The following TARBP1 variants were observed in gnomAD, a reference collection of about 807,000 sequenced individuals.
TARBP1 encodes tRNA (guanosine(18)-2'-O)-methyltransferase TARBP1.
A neutral mutation model predicts 178.6 loss-of-function variants in TARBP1; 144 were observed. The ratio of observed to expected loss-of-function variants is 0.81; its 90% CI spans 0.70 to 0.93. TARBP1 has a LOEUF of 0.93. Among genes scored for constraint, TARBP1 ranks in the 40% least tolerant of loss-of-function variants. The pLI is 0.00. For synonymous variants in TARBP1, 787 were observed against 781.0 expected (o/e 1.01, Z -0.13); for missense variants, 2,067 against 2,011.7 (o/e 1.03, Z -0.53).
chr1:234,409,231 T>TA (rs1000709539), intron 23 of TARBP1, among the ~76,000 whole-genome samples: 8 of 151,644 alleles, frequency 5.3e-5, no homozygotes, highest in Non-Finnish European at 1.0e-4. Context: ...GTTTCGAAAA[T>TA]AAAAAATAAA....
Position 234,425,787 on chromosome 1 carries a change from CTTAGT to C in TARBP1, c.3325_3329del (p.Thr1109GlufsTer29). 1 of 1,560,096 alleles carries C rather than the reference CTTAGT, an allele frequency of 6.4e-7. No homozygotes were observed. Among genetic ancestry groups the C allele is most frequent in the East Asian group, 2.3e-5 (1 of 44,442 alleles). ...AAATTCTCACATAATGGTCTTCTCTCTTAGTACTAAAAAAATTAAATGATAAATTA... is the reference window on the plus strand; with the variant it reads ...AAATTCTCACATAATGGTCTTCTCTCACTAAAAAAATTAAATGATAAATTA... On this transcript the variant is annotated frameshift_variant and splice_region_variant, in exon 20 of 30. Coordinates refer to ENST00000040877, the MANE Select transcript of TARBP1 (RefSeq NM_005646.4). LOFTEE classifies it high-confidence loss of function.
In TARBP1 at chr1:234,433,550, G is replaced by A; in HGVS notation, c.2254C>T (p.His752Tyr). Reference protein sequence around the residue: ...LNSVSDLDRCHLYLMVLTELI... With the variant: ...LNSVSDLDRCYLYLMVLTELI... ...TCAGTTAACACCATCAGGTATAAAT[G>A]GCAACGATCCAGATCTGAAACCTAA... The change falls in exon 14 of 30, where the codon CAT becomes TAT. Residue 752 changes from histidine (H) to tyrosine (Y), a missense_variant. Transcript: ENST00000040877. 6.2e-7 allele frequency: 1 copy of A among 1,612,788 alleles called. No homozygotes were observed. Among genetic ancestry groups the A allele is most frequent in the African/African-American group, 1.3e-5 (1 of 74,908 alleles).
chr1:234,417,070 C>G (rs2103084320), intron 22 of TARBP1, among the ~76,000 whole-genome samples: 2 of 152,280 alleles, frequency 1.3e-5, no homozygotes, highest in Middle Eastern at 6.8e-3. Flanking sequence ...GTGGAGAAAG[C>G]CACTACCAAT....
intron 9 of TARBP1, among the ~76,000 whole-genome samples, chr1:234,457,262 C>T (rs1490435692): frequency 1.3e-5 from 2 of 152,134 alleles, no homozygotes; most frequent in Non-Finnish European, 2.9e-5. Context: ...TCAGGACAAA[C>T]TCAGAATTAC....
chr1:234,451,505 T>G (rs1666751704), intron 9 of TARBP1, among the ~76,000 whole-genome samples: 1 of 34,380 alleles, frequency 2.9e-5, no homozygotes, highest in African/African-American at 3.0e-4. Context: ...CCCAGCACTT[T>G]GGGAGGCCGA....
At chr1:234,406,638 A>C (rs1661274585) in intron 23 of TARBP1, 1 of 152,316 alleles carries the variant, frequency 6.6e-6, no homozygotes, top group South Asian at 2.1e-4. Flanking sequence ...CAGGAAAATT[A>C]AGAAATGAGG....
In TARBP1 at chr1:234,430,305, A is replaced by G; in HGVS notation, c.2395-4T>C. 1 of 1,612,446 alleles carries G rather than the reference A, an allele frequency of 6.2e-7. No homozygotes were observed. Among genetic ancestry groups the G allele is most frequent in the Non-Finnish European group, 8.5e-7 (1 of 1,179,510 alleles). On this transcript the variant is annotated splice_polypyrimidine_tract_variant and splice_region_variant and intron_variant, in intron 14 of 29. Coordinates refer to ENST00000040877, the MANE Select transcript of TARBP1 (RefSeq NM_005646.4). ...TCTGACTTCCAACTGTTGGCTCCTG[A>G]AAAGGAAATGTGACAATGTTTTATT...
In TARBP1 at chr1:234,463,826, C is replaced by T. The variant is rs1231596851; in HGVS notation, c.1399+11G>A. On this transcript the variant is annotated intron_variant, in intron 6 of 29. Coordinates refer to ENST00000040877, the MANE Select transcript of TARBP1 (RefSeq NM_005646.4). ...AAAGCATTTTTAAAAAAACCCTTTACTGACACATACTCTTTATTTCTTCTG... is the reference window on the plus strand; with the variant it reads ...AAAGCATTTTTAAAAAAACCCTTTATTGACACATACTCTTTATTTCTTCTG... 8.2e-6 allele frequency: 12 copies of T among 1,469,678 alleles called. No individual in the cohort carries two copies. The highest frequency in any genetic ancestry group is 1.1e-5 in the Non-Finnish European group (12 of 1,101,934). 91.0% of individuals were successfully genotyped at this position (1,469,678 alleles called of 1,614,324 possible).
chr1:234,458,505 AAT>A (rs1299644833), intron 8 of TARBP1, among the ~76,000 whole-genome samples: 3 of 152,290 alleles, frequency 2.0e-5, no homozygotes, highest in African/African-American at 7.2e-5. Context: ...CTGTTTTGTA[AAT>A]AGTTTTTTTG....
At chr1:234,449,408 A>G (rs1390239380) in intron 10 of TARBP1, among the ~76,000 whole-genome samples, 1 of 152,244 alleles carries the variant, frequency 6.6e-6, no homozygotes, top group Non-Finnish European at 1.5e-5. Flanking sequence ...CGTAAGAGGC[A>G]ATTCTAGTAT....
At chr1:234,410,410 T>C in intron 23 of TARBP1, 35 bp downstream of exon 23, 1 of 1,252,894 alleles carries the variant, frequency 8.0e-7, no homozygotes, top group East Asian at 2.4e-5. Flanking sequence ...ATTCTTTTTT[T>C]ACAGTCAAGT....
chr1:234,462,034 A>C (rs1272438690), intron 6 of TARBP1, among the ~76,000 whole-genome samples: 1 of 152,236 alleles, frequency 6.6e-6, no homozygotes, highest in East Asian at 1.9e-4. Context: ...AAATGACTAA[A>C]TAACTGTGAA....
chr1:234,393,549 C>A, intron 27 of TARBP1, 63 bp from the exon 28 acceptor site: 3 of 1,572,836 alleles, frequency 1.9e-6, no homozygotes, highest in Admixed American at 1.8e-5. Flanking sequence ...CATCATGTCG[C>A]ATACATTCCT....
chr1:234,429,895 G>C (rs938078531), intron 15 of TARBP1, among the ~76,000 whole-genome samples, 192 bp downstream of exon 15: 1 of 152,076 alleles, frequency 6.6e-6, no homozygotes, highest in Non-Finnish European at 1.5e-5. Context: ...CATCTGAAAT[G>C]ATTCAGTGAA....
chr1:234,439,750 C>T (rs560152546), intron 12 of TARBP1, among the ~76,000 whole-genome samples: 12 of 152,188 alleles, frequency 7.9e-5, no homozygotes, highest in East Asian at 7.7e-4. Context: ...CGCTTGAACC[C>T]GGGAGGCAGA....
At chr1:234,419,230 C>A (rs778933242) in intron 21 of TARBP1, among the ~76,000 whole-genome samples, 1 of 151,894 alleles carries the variant, frequency 6.6e-6, no homozygotes, top group African/African-American at 2.4e-5. Flanking sequence ...GTATTATGTA[C>A]GTCTTTATTT....
At chr1:234,450,347 A>G in intron 10 of TARBP1, 81 bp downstream of exon 10, 1 of 1,134,050 alleles carries the variant, frequency 8.8e-7, no homozygotes, top group Non-Finnish European at 1.2e-6. Context: ...GTAAAGCCTA[A>G]CTCTCAGTCT....
intron 20 of TARBP1, among the ~76,000 whole-genome samples, chr1:234,421,257 T>C (rs1452360609): frequency 6.6e-6 from 1 of 152,134 alleles, no homozygotes; most frequent in African/African-American, 2.4e-5. Flanking sequence ...CCCAGCTAAC[T>C]TCTGTATTTT....
intron 12 of TARBP1, among the ~76,000 whole-genome samples, chr1:234,438,465 A>T (rs1364449074): frequency 6.6e-6 from 1 of 152,228 alleles, no homozygotes; most frequent in African/African-American, 2.4e-5. Flanking sequence ...TAGAAAAACC[A>T]AATAGAAATT....
Sources: gnomAD v4.1 joint callset for allele counts (sites outside exome capture counted in the v4.1 genomes callset) on GRCh38, gnomAD v4.1.1 for gene constraint, MANE v1.5 for transcripts, NCBI Gene and HGNC (gene_info 2026-07-23, HGNC 2026-07-21) for gene names.